The following CUBN variants were observed in gnomAD, a reference collection of about 807,000 sequenced individuals.
The protein encoded by CUBN is 460 kDa receptor.
CUBN carries 282 observed loss-of-function variants against 405.3 expected under a neutral mutation model. The ratio of observed to expected loss-of-function variants is 0.70; its 90% confidence interval spans 0.63 to 0.77. The LOEUF is 0.77. Ranked by LOEUF, CUBN falls within the 30% of genes least tolerant of loss-of-function variation. The pLI, the probability that CUBN is intolerant of heterozygous loss-of-function variation, is 0.00. For missense variants in CUBN, 4,514 were observed against 4,475.2 expected (o/e 1.01, Z -0.25); for synonymous variants, 1,684 against 1,617.0 (o/e 1.04, Z -0.99).
chr10:16,945,580 C>G (rs951125160), intron 36 of CUBN, among the ~76,000 whole-genome samples: 1 of 151,762 alleles, frequency 6.6e-6, no homozygotes, highest in Admixed American at 6.6e-5. Context: ...CCAGCTTGGC[C>G]AACATGGTGA....
intron 47 of CUBN, among the ~76,000 whole-genome samples, chr10:16,914,702 C>A (rs2131455251): frequency 6.6e-6 from 1 of 151,464 alleles, no homozygotes; most frequent in African/African-American, 2.4e-5. Context: ...ATGTTAAGTA[C>A]CCAGTTTTTC....
In CUBN at chr10:16,828,798, TACTC is replaced by T. The variant is rs1298173942; in HGVS notation, c.10764+3_10764+6del. ...AAATGGGAATATAAAATGTTTGTTTTACTCACGCCTCCGCAGTATGGTCCAGAGG... is the reference window on the plus strand; with the variant it reads ...AAATGGGAATATAAAATGTTTGTTTTACGCCTCCGCAGTATGGTCCAGAGG... On this transcript the variant is annotated splice_donor_5th_base_variant and intron_variant, in intron 66 of 66. Coordinates refer to ENST00000377833, the MANE Select transcript of CUBN (RefSeq NM_001081.4). The T allele has an allele frequency of 5.0e-6, 8 of 1,588,362 alleles. No individual in the cohort carries two copies. Among genetic ancestry groups the T allele is most frequent in the South Asian group, 2.2e-5 (2 of 90,532 alleles).
chr10:16,879,230 T>C (rs933437607), intron 56 of CUBN, among the ~76,000 whole-genome samples: 7 of 152,224 alleles, frequency 4.6e-5, no homozygotes, highest in African/African-American at 1.4e-4. Context: ...ACATTTGACA[T>C]TGTCAGTCTT....
chr10:16,872,944 C>T (rs80085966), intron 58 of CUBN, among the ~76,000 whole-genome samples: 352 of 152,254 alleles, frequency 2.3e-3, no homozygotes, highest in African/African-American at 8.0e-3. Context: ...GCCTATAGAA[C>T]GCCTGATACA....
intron 31 of CUBN, among the ~76,000 whole-genome samples, chr10:16,966,416 T>A (rs574299757): frequency 6.6e-6 from 1 of 152,054 alleles, no homozygotes; most frequent in African/African-American, 2.4e-5. Context: ...TGGTCTAGTG[T>A]GGCCTCCTTC....
At chr10:17,012,623 T>C (rs988741807) in intron 28 of CUBN, among the ~76,000 whole-genome samples, 2 of 152,246 alleles carry the variant, frequency 1.3e-5, no homozygotes, top group African/African-American at 2.4e-5. Context: ...TCTACGTTAG[T>C]AGAAAACCTT....
chr10:16,828,654 G>T, intron 66 of CUBN, 151 bp downstream of exon 66: 2 of 674,082 alleles, frequency 3.0e-6, no homozygotes, highest in South Asian at 1.7e-5. Flanking sequence ...GGAGGCGGAG[G>T]TTGCAGTGAG....
At chr10:16,879,230 T>A (rs933437607) in intron 56 of CUBN, among the ~76,000 whole-genome samples, 1 of 152,224 alleles carries the variant, frequency 6.6e-6, no homozygotes, top group Non-Finnish European at 1.5e-5. Flanking sequence ...ACATTTGACA[T>A]TGTCAGTCTT....
At chr10:17,123,820 C>T in intron 4 of CUBN, 131 bp from the exon 5 acceptor site, 5 of 661,112 alleles carry the variant, frequency 7.6e-6, no homozygotes, top group Non-Finnish European at 1.4e-5. Flanking sequence ...AAAGCCATTA[C>T]TTATGTTCTT....
rs563035840 is a variant in CUBN at position 17,104,564 on chromosome 10, C to G, written c.1272G>C (p.Trp424Cys). The change falls in exon 12 of 67, where the codon TGG becomes TGC. Residue 424 changes from tryptophan (W) to cysteine (C), a missense_variant. This residue lies in a region of CUBN where 1,448 missense variants were observed against 1,388.0 expected (regional missense o/e 1.04). Coordinates refer to ENST00000377833, the MANE Select transcript of CUBN (RefSeq NM_001081.4). ...TGTTTTCTGTACAGTTGACACCTGT[C>G]CAACCTGAGTCACACTTACAAAAAT... Reference protein sequence around the residue: ...SGYFCKCDSGWTGVNCTENIN... With the variant: ...SGYFCKCDSGCTGVNCTENIN... 1.2e-6 allele frequency: 2 copies of G among 1,613,672 alleles called. No homozygotes were observed. The highest frequency in any genetic ancestry group is 2.2e-5 in the South Asian group (2 of 91,050).
At chr10:17,104,307 C>G (rs2131300843) in intron 12 of CUBN, 112 bp downstream of exon 12, 1 of 881,176 alleles carries the variant, frequency 1.1e-6, no homozygotes, top group Non-Finnish European at 1.9e-6. Context: ...TTCTCAGTAT[C>G]TGAGCAACTG....
chr10:16,934,537 T>C (rs1842447525), intron 39 of CUBN, among the ~76,000 whole-genome samples: 1 of 152,196 alleles, frequency 6.6e-6, no homozygotes, highest in African/African-American at 2.4e-5. Flanking sequence ...AATTTTAAGG[T>C]TTTCCTCTAT....
At chr10:17,046,857 A>T (rs911603191) in intron 23 of CUBN, among the ~76,000 whole-genome samples, 1 of 152,192 alleles carries the variant, frequency 6.6e-6, no homozygotes, top group Admixed American at 6.5e-5. Flanking sequence ...GCATGGAGAG[A>T]TAGTAACATA....
At chr10:17,128,674 C>G (rs991284524) in intron 2 of CUBN, among the ~76,000 whole-genome samples, 1 of 152,146 alleles carries the variant, frequency 6.6e-6, no homozygotes, top group Admixed American at 6.5e-5. Flanking sequence ...CCACTATTAA[C>G]CCCAGGCCAT....
chr10:17,011,528 G>T (rs893015420), intron 28 of CUBN, among the ~76,000 whole-genome samples: 3 of 152,152 alleles, frequency 2.0e-5, no homozygotes, highest in East Asian at 3.9e-4. Context: ...TGAACCCAGA[G>T]TGAGCAGCAG....
At chr10:17,062,263 C>G (rs1835520189) in intron 22 of CUBN, among the ~76,000 whole-genome samples, 1 of 152,156 alleles carries the variant, frequency 6.6e-6, no homozygotes, top group South Asian at 2.1e-4. Context: ...CTAGATGTTA[C>G]ATAGGTTTTC....
chr10:16,945,315 A>T lies in CUBN; in HGVS notation c.5342+1920T>A, dbSNP rs113928443. Among the ~76,000 whole-genome samples the T allele has an allele frequency of 5.0e-3, 758 of 152,364 alleles. 5 individuals carry two copies. The highest frequency in any genetic ancestry group is 0.017 in the African/African-American group (722 of 41,588). On this transcript the variant is annotated intron_variant, in intron 36 of 66. Transcript: ENST00000377833. ...GGTGTTTTATTGATCAATATATAGA[A>T]GGCACCTCATAGGAGAGTAGCATGT...
At chr10:16,849,846 T>C (rs995133717) in intron 60 of CUBN, among the ~76,000 whole-genome samples, 1 of 152,178 alleles carries the variant, frequency 6.6e-6, no homozygotes, top group Non-Finnish European at 1.5e-5. Flanking sequence ...TAGCTACTGC[T>C]GTTGTCACCT....
chr10:16,848,690 CTTTTTTTTTTTTTTTTT>C (rs10562297), intron 60 of CUBN, among the ~76,000 whole-genome samples: 1 of 53,338 alleles, frequency 1.9e-5, no homozygotes, highest in Non-Finnish European at 3.4e-5. Flanking sequence ...CTCTCCCAGC[CTTTTTTTTTTTTTTTTT>C]TTTTTTTTTT....
Sources: gnomAD v4.1 joint callset for allele counts (sites outside exome capture counted in the v4.1 genomes callset) on GRCh38, gnomAD v4.1.1 for gene constraint, gnomAD v4.1.1 regional missense constraint, MANE v1.5 for transcripts, NCBI Gene and HGNC (gene_info 2026-07-23, HGNC 2026-07-21) for gene names.